The following KIF26B variants were observed in gnomAD, a reference collection of about 807,000 sequenced individuals.
KIF26B encodes kinesin-like protein KIF26B.
KIF26B carries 63 observed loss-of-function variants against 151.2 expected under a neutral mutation model. That is an observed-to-expected ratio of 0.42 (90% CI 0.34 to 0.51). KIF26B has a LOEUF of 0.51. Ranked by LOEUF, KIF26B falls within the 20% of genes least tolerant of loss-of-function variation. KIF26B has a pLI of 0.07. For missense variants in KIF26B, 2,813 were observed against 2,913.6 expected, an observed-to-expected ratio of 0.97 and a Z score of 0.79; for synonymous variants, 1,357 against 1,262.1, an observed-to-expected ratio of 1.08 and a Z score of -1.59.
intron 3 of KIF26B, among the ~76,000 whole-genome samples, chr1:245,386,765 ACT>A (rs1673556328): frequency 6.6e-6 from 1 of 151,920 alleles, no homozygotes; most frequent in Non-Finnish European, 1.5e-5. Context: ...TTATTTTGTC[ACT>A]CTCTGATCTT....
intron 4 of KIF26B, among the ~76,000 whole-genome samples, chr1:245,433,477 A>AAAGAAGAAG (rs549915125): frequency 2.7e-5 from 4 of 147,742 alleles, no homozygotes; most frequent in East Asian, 2.0e-4. Context: ...AAAAAAAAAA[A>AAAGAAGAAG]AAGAAGAAGA....
intron 2 of KIF26B, among the ~76,000 whole-genome samples, chr1:245,260,190 C>T (rs1009793603): frequency 8.5e-5 from 13 of 152,052 alleles, no homozygotes; most frequent in African/African-American, 3.1e-4. Context: ...TTTGCCTGCC[C>T]CTCCCTTCAT....
rs150997423 is a variant in KIF26B, at chr1:245,647,750, C to T, written c.2258+1470C>T. The stretch of plus-strand genomic sequence containing the variant: ...CTTCCCCTCAGCCCTATGTTGATGC[C>T]AGACCCCCCCACCAAATACATTGTG... On this transcript the variant is annotated intron_variant, in intron 10 of 14. Coordinates refer to ENST00000407071, the MANE Select transcript of KIF26B (RefSeq NM_018012.4). 1.1e-3 allele frequency among the ~76,000 whole-genome samples: 161 copies of T among 152,212 alleles called. 1 individual carries two copies. Among genetic ancestry groups the T allele is most frequent in the African/African-American group, 3.6e-3 (149 of 41,536 alleles).
intron 9 of KIF26B, among the ~76,000 whole-genome samples, chr1:245,625,808 A>G (rs1204111610): frequency 1.4e-5 from 2 of 137,980 alleles, no homozygotes; most frequent in African/African-American, 5.5e-5. Flanking sequence ...TCCCACACAC[A>G]CACATTCTTC....
At chr1:245,300,272 G>A (rs1671405745) in intron 2 of KIF26B, among the ~76,000 whole-genome samples, 3 of 152,152 alleles carry the variant, frequency 2.0e-5, no homozygotes, top group Admixed American at 1.3e-4. Flanking sequence ...TTCTTCACCT[G>A]TGTGTTTATA....
At chr1:245,265,771 A>T (rs1379013524) in intron 2 of KIF26B, among the ~76,000 whole-genome samples, 2 of 151,824 alleles carry the variant, frequency 1.3e-5, no homozygotes, top group Non-Finnish European at 2.9e-5. Context: ...CACCTGGCTG[A>T]TTTCTTTTGT....
At chr1:245,537,460 T>A (rs1053881503) in intron 4 of KIF26B, among the ~76,000 whole-genome samples, 1 of 152,066 alleles carries the variant, frequency 6.6e-6, no homozygotes, top group Non-Finnish European at 1.5e-5. Context: ...CTTAAAAGAG[T>A]TACTCTGGCT....
chr1:245,634,433 T>C (rs951914834), intron 9 of KIF26B, among the ~76,000 whole-genome samples: 15 of 152,202 alleles, frequency 9.9e-5, no homozygotes, highest in African/African-American at 3.1e-4. Flanking sequence ...CATTTAGTCT[T>C]TTACCATTAA....
chr1:245,228,789 C>T (rs1426112795), intron 2 of KIF26B, among the ~76,000 whole-genome samples: 1 of 152,150 alleles, frequency 6.6e-6, no homozygotes, highest in Non-Finnish European at 1.5e-5. Flanking sequence ...TGCTTCACCC[C>T]TGGAGGCTGC....
intron 4 of KIF26B, among the ~76,000 whole-genome samples, chr1:245,423,164 T>G (rs955020654): frequency 2.0e-5 from 3 of 151,876 alleles, no homozygotes; most frequent in African/African-American, 7.3e-5. Flanking sequence ...GCCATTTCGT[T>G]TTATATGGGA....
In KIF26B at chr1:245,704,164, T is replaced by G. The variant is rs2044810597; in HGVS notation, c.*1558T>G. 2 of 152,266 alleles carry G rather than the reference T, an allele frequency of 1.3e-5. No homozygotes were observed. Among genetic ancestry groups the G allele is most frequent in the African/African-American group, 4.8e-5 (2 of 41,468 alleles). 9.4% of individuals were successfully genotyped at this position (152,266 alleles called of 1,614,324 possible). A position where few individuals can be genotyped will look rare whatever the true frequency, so the allele number is the denominator to read the frequency against. On this transcript the variant is annotated 3_prime_UTR_variant, in exon 15 of 15. Coordinates refer to ENST00000407071, the MANE Select transcript of KIF26B (RefSeq NM_018012.4). ...TCTAAGAGTCCCTGCAGCCTTCGCA[T>G]CGAGGATGGTACTTAGGCGTGTGCA...
chr1:245,654,046 G>A (rs569750323), intron 10 of KIF26B, among the ~76,000 whole-genome samples: 1 of 152,160 alleles, frequency 6.6e-6, no homozygotes, highest in Non-Finnish European at 1.5e-5. Context: ...CTGGACAACA[G>A]AGCAAGACCC....
intron 12 of KIF26B, among the ~76,000 whole-genome samples, chr1:245,697,602 TA>T (rs2044712015): frequency 6.6e-6 from 1 of 152,154 alleles, no homozygotes; most frequent in South Asian, 2.1e-4. Context: ...TTTGCTGAGC[TA>T]AAGCCCAAGT....
At chr1:245,520,198 GA>G (rs1020637974) in intron 4 of KIF26B, among the ~76,000 whole-genome samples, 14 of 138,932 alleles carry the variant, frequency 1.0e-4, no homozygotes, top group Middle Eastern at 4.1e-3. Context: ...CCAGAAATAG[GA>G]AAAAAAAAAT....
chr1:245,566,622 A>G (rs891157292), intron 5 of KIF26B, among the ~76,000 whole-genome samples: 5 of 152,226 alleles, frequency 3.3e-5, no homozygotes, highest in Non-Finnish European at 5.9e-5. Context: ...CAAGCGCAAC[A>G]TGTTGATTTT....
chr1:245,309,906 CTT>C (rs1352966252), intron 2 of KIF26B, among the ~76,000 whole-genome samples: 5 of 145,282 alleles, frequency 3.4e-5, no homozygotes, highest in African/African-American at 1.3e-4. Flanking sequence ...ATATATATCT[CTT>C]ACTATATATA....
At chr1:245,329,788 A>G (rs1254571228) in intron 2 of KIF26B, among the ~76,000 whole-genome samples, 1 of 152,136 alleles carries the variant, frequency 6.6e-6, no homozygotes, top group Non-Finnish European at 1.5e-5. Flanking sequence ...AATCAATAAG[A>G]CCAAAAAAGG....
In KIF26B at chr1:245,396,546, G is replaced by C. The variant is rs998466800; in HGVS notation, c.1000-23033G>C. Among the ~76,000 whole-genome samples the C allele has an allele frequency of 3.9e-5, 6 of 151,906 alleles. No homozygotes were observed. In the South Asian group the frequency reaches 6.3e-4, roughly 16 times the overall value. On this transcript the variant is annotated intron_variant, in intron 3 of 14. Coordinates refer to ENST00000407071, the MANE Select transcript of KIF26B (RefSeq NM_018012.4). ...AGCTACTCAGGAGGCTGAGGCAGGA[G>C]AATCGCTTGAACCCGGGAGACAGAG...
chr1:245,569,590 C>T (rs1336066466), intron 5 of KIF26B, among the ~76,000 whole-genome samples: 1 of 151,644 alleles, frequency 6.6e-6, no homozygotes, highest in Non-Finnish European at 1.5e-5. Context: ...CTGGGCGACA[C>T]AGCGAGACTC....
Sources: gnomAD v4.1 joint callset for allele counts (sites outside exome capture counted in the v4.1 genomes callset) on GRCh38, gnomAD v4.1.1 for gene constraint, MANE v1.5 for transcripts, NCBI Gene and HGNC (gene_info 2026-07-23, HGNC 2026-07-21) for gene names.